Variants in PHACTR3 observed in about 807,000 individuals in gnomAD.
The protein encoded by PHACTR3 is protein phosphatase 1, regulatory subunit 123.
Under a neutral mutation model 66.8 loss-of-function variants are expected in PHACTR3, and 16 were observed. The observed-to-expected ratio is 0.24, with a 90% CI of 0.16 to 0.36. PHACTR3 has a LOEUF of 0.36. PHACTR3 is among the 10% of genes least tolerant of loss of function. PHACTR3 has a pLI of 1.00. For missense variants in PHACTR3, 647 were observed against 719.9 expected, an observed-to-expected ratio of 0.90 and a Z score of 1.16; for synonymous variants, 323 against 292.1, an observed-to-expected ratio of 1.11 and a Z score of -1.08.
At chr20:59,681,997 C>T (rs561575747) in intron 1 of PHACTR3, among the ~76,000 whole-genome samples, 254 of 144,798 alleles carry the variant, frequency 1.8e-3, no homozygotes, top group Non-Finnish European at 3.0e-3. Context: ...GCAACAAGAG[C>T]GAAACTCTAT....
upstream of PHACTR3, chr20:59,603,381 G>A (rs1372738240): frequency 6.6e-6 from 1 of 152,342 alleles, no homozygotes; most frequent in Admixed American, 6.5e-5. Flanking sequence ...AGAGGTGACT[G>A]ATGCTGCTGA....
At position 59,618,446 on chromosome 20, in the gene PHACTR3, G is replaced by A. The variant is rs376663089; in HGVS notation, c.118+13314G>A. ...AAATGGGTCCCAGGAAGGCAGCAGA[G>A]TGAGACCAGGGAAGAGGGTGTGGCA... On this transcript the variant is annotated intron_variant, in intron 1 of 12. Transcript: ENST00000371015. 5.3e-4 allele frequency among the ~76,000 whole-genome samples: 80 copies of A among 152,352 alleles called. 1 individual carries two copies. The East Asian group carries it at 0.012, about 23-fold the overall frequency.
At chr20:59,821,544 C>T (rs951735039) in intron 8 of PHACTR3, among the ~76,000 whole-genome samples, 1 of 152,128 alleles carries the variant, frequency 6.6e-6, no homozygotes, top group Non-Finnish European at 1.5e-5. Context: ...CCGTGGTCAG[C>T]TGGAAAAGAG....
At chr20:59,688,610 G>T (rs1013432312) in intron 1 of PHACTR3, among the ~76,000 whole-genome samples, 2 of 152,088 alleles carry the variant, frequency 1.3e-5, no homozygotes, top group Admixed American at 6.6e-5. Flanking sequence ...TACGTGTTTT[G>T]TGTATTGAAG....
chr20:59,685,737 C>A (rs2036838814), intron 1 of PHACTR3, among the ~76,000 whole-genome samples: 1 of 152,224 alleles, frequency 6.6e-6, no homozygotes, highest in Admixed American at 6.5e-5. Flanking sequence ...CTTCGGGCCT[C>A]AGGTTGAATG....
At chr20:59,592,211 C>G (rs1173603501) in intron 1 of PHACTR3, among the ~76,000 whole-genome samples, 2 of 152,162 alleles carry the variant, frequency 1.3e-5, no homozygotes, top group East Asian at 3.9e-4. Flanking sequence ...CTGGCATGCT[C>G]TTTCCTTAGA....
chr20:59,767,422 C>G (rs1320476720), intron 5 of PHACTR3, 27 bp downstream of exon 5: 2 of 1,601,946 alleles, frequency 1.2e-6, no homozygotes, highest in Middle Eastern at 2.1e-4. Flanking sequence ...CCTGCCCATT[C>G]TATTTCCTTT....
At chr20:59,662,851 G>A (rs909170496) in intron 1 of PHACTR3, among the ~76,000 whole-genome samples, 16 of 152,264 alleles carry the variant, frequency 1.1e-4, no homozygotes, top group Non-Finnish European at 1.9e-4. Context: ...ACATGGTGAC[G>A]GACTTCACAG....
At position 59,763,062 on chromosome 20, in the gene PHACTR3, A is replaced by G. The variant is rs6015573; in HGVS notation, c.542-4124A>G. On this transcript the variant is annotated intron_variant, in intron 4 of 12. Coordinates refer to ENST00000371015, the MANE Select transcript of PHACTR3 (RefSeq NM_080672.5). ...TCTCATCTTGAATTATAATCCCCAC[A>G]ATCCCCATAATCTCCACGTGTCAAG... is the stretch of plus-strand genomic sequence containing the variant. 9.6e-3 allele frequency among the ~76,000 whole-genome samples: 1,459 copies of G among 152,222 alleles called. 24 individuals are homozygous for G. Among genetic ancestry groups the G allele is most frequent in the African/African-American group, 0.034 (1,396 of 41,518 alleles).
chr20:59,752,312 G>A (rs929256841), intron 3 of PHACTR3, among the ~76,000 whole-genome samples: 1 of 152,308 alleles, frequency 6.6e-6, no homozygotes, highest in Non-Finnish European at 1.5e-5. Context: ...TCTGCAACAC[G>A]TTCCCTCTCA....
chr20:59,700,814 G>GA (rs2037476744), intron 1 of PHACTR3, among the ~76,000 whole-genome samples: 1 of 152,086 alleles, frequency 6.6e-6, no homozygotes, highest in Non-Finnish European at 1.5e-5. Context: ...TTTTGAGACA[G>GA]GGGCTTGCTC....
chr20:59,791,035 TAGA>T (rs1231809888), intron 7 of PHACTR3, among the ~76,000 whole-genome samples: 1 of 152,038 alleles, frequency 6.6e-6, no homozygotes, highest in East Asian at 1.9e-4. Context: ...GAGGTGAGGG[TAGA>T]AGGAGAGCCT....
At chr20:59,807,819 T>C (rs528758087) in intron 8 of PHACTR3, among the ~76,000 whole-genome samples, 1 of 152,240 alleles carries the variant, frequency 6.6e-6, no homozygotes, top group Non-Finnish European at 1.5e-5. Flanking sequence ...TGAAATGTCA[T>C]GAGGTGCATG....
chr20:59,821,953 C>T (rs1179994723), intron 8 of PHACTR3, among the ~76,000 whole-genome samples: 1 of 151,468 alleles, frequency 6.6e-6, no homozygotes, highest in Admixed American at 6.6e-5. Flanking sequence ...GCTACCCCCT[C>T]CCCAGCAATC....
At chr20:59,725,244 GTTGTGAGC>G (rs1483386540) in intron 1 of PHACTR3, among the ~76,000 whole-genome samples, 3,754 of 151,964 alleles carry the variant, frequency 0.025, 170 homozygotes, top group African/African-American at 0.086. Context: ...GCTCAGTGAG[GTTGTGAGC>G]CCAGGTGTCC....
At chr20:59,581,982 G>GA (rs1287039152) in intron 1 of PHACTR3, among the ~76,000 whole-genome samples, 4 of 151,684 alleles carry the variant, frequency 2.6e-5, no homozygotes, top group Non-Finnish European at 2.9e-5. Flanking sequence ...AGTTTTTCTG[G>GA]AAAAAAAATT....
intron 1 of PHACTR3, among the ~76,000 whole-genome samples, chr20:59,633,807 G>A (rs1172557231): frequency 6.6e-6 from 1 of 152,062 alleles, no homozygotes; most frequent in Non-Finnish European, 1.5e-5. Flanking sequence ...ACCTCCTGTG[G>A]CTCTGGACTC....
intron 1 of PHACTR3, among the ~76,000 whole-genome samples, chr20:59,701,845 C>T (rs2037516959): frequency 6.6e-6 from 1 of 152,218 alleles, no homozygotes. Context: ...GATAGTTTCA[C>T]CGACCCCCCA....
At chr20:59,637,247 C>T (rs1174246477) in intron 1 of PHACTR3, among the ~76,000 whole-genome samples, 4 of 152,186 alleles carry the variant, frequency 2.6e-5, no homozygotes, top group African/African-American at 9.7e-5. Flanking sequence ...CCTCTGAGTC[C>T]TCAGGGTTCT....
Sources: gnomAD v4.1 joint callset for allele counts (sites outside exome capture counted in the v4.1 genomes callset) on GRCh38, gnomAD v4.1.1 for gene constraint, MANE v1.5 for transcripts, NCBI Gene and HGNC (gene_info 2026-07-23, HGNC 2026-07-21) for gene names.